The following ZNF625 variants were observed in gnomAD, a reference collection of about 807,000 sequenced individuals.
ZNF625 encodes zinc finger protein 625.
A neutral mutation model predicts 11.1 loss-of-function variants in ZNF625; 8 were observed. The ratio of observed to expected loss-of-function variants is 0.72; its 90% confidence interval spans 0.42 to 1.30. ZNF625 has a LOEUF of 1.30. Among genes scored for constraint, ZNF625 ranks in the 50% most tolerant of loss-of-function variants. ZNF625 has a pLI of 0.01. For synonymous variants in ZNF625, 145 were observed against 153.4 expected, an observed-to-expected ratio of 0.95 and a Z score of 0.41; for missense variants, 349 against 447.6, an observed-to-expected ratio of 0.78 and a Z score of 1.99.
chr19:12,146,854 G>A (rs1976881852), intron 3 of ZNF625, among the ~76,000 whole-genome samples: 2 of 152,136 alleles, frequency 1.3e-5, no homozygotes, highest in African/African-American at 2.4e-5. Context: ...ATGGCCGAGT[G>A]TAGCCTCAAA....
At chr19:12,153,698 A>C (rs1481660266) in intron 1 of ZNF625, among the ~76,000 whole-genome samples, 2 of 151,006 alleles carry the variant, frequency 1.3e-5, no homozygotes, top group African/African-American at 2.4e-5. Flanking sequence ...AAAAAAAAAA[A>C]TACATGCAGT....
intron 1 of ZNF625, among the ~76,000 whole-genome samples, chr19:12,156,030 T>C (rs1392116165): frequency 6.6e-6 from 1 of 152,120 alleles, no homozygotes; most frequent in Admixed American, 6.6e-5. Context: ...TTTAAAAATT[T>C]ATTTTTAATA....
chr19:12,145,644 T>A lies in ZNF625; in HGVS notation c.772A>T (p.Ser258Cys). 1.2e-6 allele frequency: 2 copies of A among 1,613,856 alleles called. No individual in the cohort carries two copies. Among genetic ancestry groups the A allele is most frequent in the Non-Finnish European group, 1.7e-6 (2 of 1,179,986 alleles). Residue 258 changes from serine to cysteine, a missense_variant, in exon 4 of 4, where the codon AGT becomes TGT. By Grantham distance (112) the Ser-to-Cys change is moderately radical. Transcript: ENST00000439556. The part of the protein sequence containing the change: ...ECSECGKAFH[S>C]STCLHAHKIT... ...TTATGTGCATGGAGGCATGTGGAAC[T>A]ATGGAATGCTTTCCCACACTCACTG...
chr19:12,147,363 A>T (rs1976891521), intron 3 of ZNF625, 32 bp downstream of exon 3: 1 of 1,445,634 alleles, frequency 6.9e-7, no homozygotes, highest in African/African-American at 1.4e-5. Context: ...TTGTCTAGAG[A>T]GACATCACTT....
chr19:12,151,869 G>A (rs1353293675), intron 1 of ZNF625, among the ~76,000 whole-genome samples: 3 of 152,102 alleles, frequency 2.0e-5, no homozygotes, highest in African/African-American at 7.2e-5. Flanking sequence ...AAATTTTAAT[G>A]TAGTCAAAAT....
chr19:12,148,795 A>AT (rs904272825), intron 1 of ZNF625, among the ~76,000 whole-genome samples: 12 of 150,316 alleles, frequency 8.0e-5, no homozygotes, highest in African/African-American at 2.0e-4. Context: ...TAATTTTTGT[A>AT]TTTTTTTTAG....
chr19:12,151,444 G>A (rs1443476018), intron 1 of ZNF625, among the ~76,000 whole-genome samples: 3 of 147,624 alleles, frequency 2.0e-5, no homozygotes, highest in Non-Finnish European at 4.4e-5. Context: ...GCAGTGGCAC[G>A]ATCTCGGCTC....
chr19:12,147,247 G>A (rs987086470), intron 3 of ZNF625, 148 bp downstream of exon 3: 36 of 689,560 alleles, frequency 5.2e-5, no homozygotes, highest in African/African-American at 4.5e-4. Flanking sequence ...GATTACAGGC[G>A]TGAGCCACCA....
In ZNF625 at chr19:12,145,137, A is replaced by C. The variant is rs1976848899; in HGVS notation, c.*160T>G. The C allele has an allele frequency of 3.1e-5, 26 of 834,888 alleles. 1 individual carries two copies. In the South Asian group the frequency reaches 4.2e-4, roughly 13 times the overall value. The allele number at this position is 834,888 out of a possible 1,614,324, so 51.7% of individuals were successfully genotyped here. ...GTGAGGCCCCAGCTAAACTACTCCCAAAAATTTTTGCTCCTGGGCTACTGG... is the reference window on the plus strand; with the variant it reads ...GTGAGGCCCCAGCTAAACTACTCCCCAAAATTTTTGCTCCTGGGCTACTGG... On this transcript the variant is annotated 3_prime_UTR_variant, in exon 4 of 4. Coordinates refer to ENST00000439556, the MANE Select transcript of ZNF625 (RefSeq NM_145233.4).
rs752437019 is a variant in ZNF625, at chr19:12,145,297, T to G, written c.1119A>C (p.Ter373TyrextTer3). ...GTGGCTTCTAGGAATCTTATGTGAATTAAGCAATCTTCTCGCCTTGGCCTT... is the reference window on the plus strand; with the variant it reads ...GTGGCTTCTAGGAATCTTATGTGAAGTAAGCAATCTTCTCGCCTTGGCCTT... ...TSKGQGEKIA[*>Y] is the part of the protein sequence containing the mutation. The change falls in exon 4 of 4, where the codon TAA (stop) becomes TAC (tyrosine). Residue 373 changes from the stop codon to tyrosine, a stop_lost. Coordinates refer to ENST00000439556, the MANE Select transcript of ZNF625 (RefSeq NM_145233.4). The G allele has an allele frequency of 6.3e-7, 1 of 1,595,850 alleles. No individual in the cohort carries two copies. Among genetic ancestry groups the G allele is most frequent in the Non-Finnish European group, 8.5e-7 (1 of 1,170,774 alleles).
At position 12,145,420 on chromosome 19, in the gene ZNF625, T is replaced by C. The variant is rs755291836; in HGVS notation, c.996A>G (p.Glu332=). 22 of 1,614,072 alleles carry C rather than the reference T, an allele frequency of 1.4e-5. No individual in the cohort carries two copies. The highest frequency in any genetic ancestry group is 8.3e-5 in the Admixed American group (5 of 59,994). Residue 332 remains glutamate, a synonymous_variant, in exon 4 of 4, where the codon GAA becomes GAG. Coordinates refer to ENST00000439556, the MANE Select transcript of ZNF625 (RefSeq NM_145233.4). ...GRTHTGEKPY[E]CKQCGKAFGC... is the part of the protein sequence containing the mutation. ...CAAAGGCTTTACCACATTGTTTACA[T>C]TCATAGGGTTTCTCTCCAGTGTGAG...
chr19:12,145,570 T>C lies in ZNF625; in HGVS notation c.846A>G (p.Lys282=), dbSNP rs1205674112. The change falls in exon 4 of 4, where the codon AAA becomes AAG. Residue 282 remains lysine, a synonymous_variant. Transcript: ENST00000439556. The part of the protein sequence containing the change: ...EKPYECKQCG[K]AFVSFNSVRY... ...GAACGGAATTGAAAGAAACAAAGGC[T>C]TTCCCACACTGTTTACATTCATACG... The C allele has an allele frequency of 4.3e-6, 7 of 1,610,142 alleles. No homozygotes were observed. In the African/African-American group the frequency reaches 8.0e-5, roughly 18 times the overall value.
At chr19:12,150,070 G>A (rs901310368) in intron 1 of ZNF625, among the ~76,000 whole-genome samples, 4 of 152,212 alleles carry the variant, frequency 2.6e-5, no homozygotes, top group South Asian at 2.1e-4. Context: ...CAAAGTTTCC[G>A]GTGGTTATTG....
Sources: gnomAD v4.1 joint callset for allele counts (sites outside exome capture counted in the v4.1 genomes callset) on GRCh38, gnomAD v4.1.1 for gene constraint, MANE v1.5 for transcripts, NCBI Gene and HGNC (gene_info 2026-07-23, HGNC 2026-07-21) for gene names.